The following PTPRN2 variants were observed in gnomAD, a reference collection of about 807,000 sequenced individuals.
PTPRN2 encodes the protein receptor-type tyrosine-protein phosphatase N2.
In PTPRN2, 74 loss-of-function variants were observed where a neutral mutation model predicts 118.8. The ratio of observed to expected loss-of-function variants is 0.62; its 90% confidence interval spans 0.52 to 0.76. The LOEUF is 0.76. Ranked by LOEUF, PTPRN2 falls within the 30% of genes least tolerant of loss-of-function variation. PTPRN2 has a pLI of 0.00. For missense variants in PTPRN2, 1,481 were observed against 1,394.4 expected, an observed-to-expected ratio of 1.06 and a Z score of -0.99; for synonymous variants, 641 against 608.0, an observed-to-expected ratio of 1.05 and a Z score of -0.80.
intron 12 of PTPRN2, among the ~76,000 whole-genome samples, chr7:157,774,094 C>A (rs926516869): frequency 6.6e-6 from 1 of 152,198 alleles, no homozygotes; most frequent in Non-Finnish European, 1.5e-5. Flanking sequence ...ATGACACGGA[C>A]CTACTTACTA....
intron 11 of PTPRN2, among the ~76,000 whole-genome samples, chr7:157,998,390 C>T (rs1804948013): frequency 1.3e-5 from 2 of 152,326 alleles, no homozygotes; most frequent in East Asian, 1.9e-4. Flanking sequence ...CCACGCCATC[C>T]ATCCGCTGAG....
In PTPRN2 at chr7:157,772,792, G is replaced by C. The variant is rs184172386; in HGVS notation, c.1789-89855C>G. On this transcript the variant is annotated intron_variant, in intron 12 of 22. Coordinates refer to ENST00000389418, the MANE Select transcript of PTPRN2 (RefSeq NM_002847.5). Reference sequence around the variant, plus strand: ...ACGTAAACACATTGAGTCTTTGGTCGCTTTTGCATCTTCTTTCTTCTCTGG... The same window carrying C: ...ACGTAAACACATTGAGTCTTTGGTCCCTTTTGCATCTTCTTTCTTCTCTGG... Among the ~76,000 whole-genome samples, 198 of 152,336 alleles carry C rather than the reference G, an allele frequency of 1.3e-3. 2 individuals are homozygous for C. Among genetic ancestry groups the C allele is most frequent in the South Asian group, 4.8e-3 (23 of 4,828 alleles).
intron 1 of PTPRN2, among the ~76,000 whole-genome samples, chr7:158,557,316 C>A (rs1004788168): frequency 7.0e-6 from 1 of 142,858 alleles, no homozygotes; most frequent in Non-Finnish European, 1.5e-5. Context: ...AGGTCGCTCC[C>A]GCGCAGGGCA....
chr7:157,672,967 A>G (rs546168894), intron 13 of PTPRN2, among the ~76,000 whole-genome samples: 1 of 152,362 alleles, frequency 6.6e-6, no homozygotes, highest in South Asian at 2.1e-4. Context: ...TATCCTGTAC[A>G]TTAAAAAATC....
chr7:158,539,057 A>G (rs1825819736), intron 1 of PTPRN2, among the ~76,000 whole-genome samples: 1 of 152,154 alleles, frequency 6.6e-6, no homozygotes, highest in Admixed American at 6.5e-5. Flanking sequence ...TGCAGATTCC[A>G]AGGTGTTTCA....
At chr7:158,100,119 G>A (rs1375033170) in intron 10 of PTPRN2, among the ~76,000 whole-genome samples, 1 of 151,820 alleles carries the variant, frequency 6.6e-6, no homozygotes, top group African/African-American at 2.4e-5. Context: ...TTATGAGTGA[G>A]AACATATGAT....
intron 11 of PTPRN2, among the ~76,000 whole-genome samples, chr7:157,919,818 A>G (rs939296341): frequency 3.9e-5 from 6 of 152,232 alleles, no homozygotes; most frequent in Admixed American, 6.5e-5. Flanking sequence ...ACATACACCC[A>G]CAAGTGGTGG....
intron 11 of PTPRN2, among the ~76,000 whole-genome samples, chr7:157,914,870 G>A (rs1016155496): frequency 5.3e-5 from 8 of 151,908 alleles, no homozygotes; most frequent in Non-Finnish European, 8.8e-5. Context: ...TGTGGGCTGC[G>A]TTTTAGAAAA....
At chr7:158,477,281 G>A (rs1820344399) in intron 2 of PTPRN2, among the ~76,000 whole-genome samples, 5 of 152,146 alleles carry the variant, frequency 3.3e-5, no homozygotes, top group Admixed American at 3.3e-4. Context: ...TCAGGGCCCT[G>A]GCTGCTAGAT....
intron 12 of PTPRN2, among the ~76,000 whole-genome samples, chr7:157,877,948 CTG>C (rs771487313): frequency 3.8e-4 from 58 of 152,334 alleles, no homozygotes; most frequent in Admixed American, 9.1e-4. Context: ...ACATTCAGCT[CTG>C]TAACATAATT....
intron 3 of PTPRN2, among the ~76,000 whole-genome samples, chr7:158,308,311 A>T (rs1156328013): frequency 6.6e-6 from 1 of 152,238 alleles, no homozygotes; most frequent in Non-Finnish European, 1.5e-5. Flanking sequence ...AAACAAAGAG[A>T]ATTTTTTCCA....
chr7:158,384,749 GATTAC>G (rs1811204171), intron 2 of PTPRN2, among the ~76,000 whole-genome samples: 1 of 152,154 alleles, frequency 6.6e-6, no homozygotes, highest in Admixed American at 6.5e-5. Flanking sequence ...ACTAATAAGT[GATTAC>G]ATTTGACCCT....
intron 2 of PTPRN2, among the ~76,000 whole-genome samples, chr7:158,376,254 A>ACGTG (rs1456722061): frequency 2.0e-5 from 3 of 148,762 alleles, no homozygotes; most frequent in African/African-American, 7.7e-5. Context: ...TCCTGCATGC[A>ACGTG]GGGTCAGGGG....
At chr7:157,635,654 A>G (rs1321420896) in intron 14 of PTPRN2, among the ~76,000 whole-genome samples, 1 of 149,334 alleles carries the variant, frequency 6.7e-6, no homozygotes, top group African/African-American at 2.5e-5. Flanking sequence ...TAGCTTACAG[A>G]CTCTCACCCC....
chr7:158,263,356 A>T (rs543502422), intron 3 of PTPRN2, among the ~76,000 whole-genome samples: 2 of 138,478 alleles, frequency 1.4e-5, no homozygotes, highest in Admixed American at 7.6e-5. Context: ...GTGTACACAT[A>T]TGAGCACACA....
Position 158,485,744 on chromosome 7 carries a change from G to A in PTPRN2, c.163+3991C>T, listed in dbSNP as rs1426478608. On this transcript the variant is annotated intron_variant, in intron 2 of 22. Transcript: ENST00000389418. ...GTCCTTTTAGCAGGAACATGCTCAC[G>A]TGAAAAACTGGAAAACCAGAGAAAT... Among the ~76,000 whole-genome samples, 5 of 151,950 alleles carry A rather than the reference G, an allele frequency of 3.3e-5. No homozygotes were observed. The East Asian group carries it at 9.7e-4, about 29-fold the overall frequency.
chr7:158,253,293 G>A (rs1191853164), intron 3 of PTPRN2, among the ~76,000 whole-genome samples: 3 of 150,896 alleles, frequency 2.0e-5, no homozygotes, highest in Middle Eastern at 6.9e-3. Context: ...GCGGGCGGGG[G>A]CCTGAGGACT....
chr7:158,394,701 G>T (rs775165485), intron 2 of PTPRN2, among the ~76,000 whole-genome samples: 2 of 152,264 alleles, frequency 1.3e-5, no homozygotes, highest in Non-Finnish European at 2.9e-5. Flanking sequence ...ACGAGCTAGC[G>T]TCAAAGCTTC....
At chr7:158,352,402 T>TACACAAGC (rs1808072624) in intron 2 of PTPRN2, among the ~76,000 whole-genome samples, 3 of 152,014 alleles carry the variant, frequency 2.0e-5, no homozygotes, top group Non-Finnish European at 4.4e-5. Flanking sequence ...GGAGCAAACT[T>TACACAAGC]ACACAAGCAC....
Sources: allele counts gnomAD v4.1 joint callset (sites outside exome capture counted in the v4.1 genomes callset), GRCh38; gene constraint gnomAD v4.1.1; transcripts MANE v1.5; gene names NCBI Gene and HGNC (gene_info 2026-07-23, HGNC 2026-07-21).